Variants in EXTL2 observed in about 807,000 individuals in gnomAD.
The protein encoded by EXTL2 is exostosin-like 2.
A neutral mutation model predicts 30.7 loss-of-function variants in EXTL2; 23 were observed. The ratio of observed to expected loss-of-function variants is 0.75; its 90% CI spans 0.54 to 1.06. The LOEUF (loss-of-function observed/expected upper bound fraction) is 1.06. Among genes scored for constraint, EXTL2 ranks in the 50% least tolerant of loss-of-function variants. The probability of loss-of-function intolerance (pLI) is 0.00; values close to 1 mark genes in which losing one functional copy is unlikely to be tolerated. For missense variants in EXTL2, 352 were observed against 396.3 expected (o/e 0.89, Z 0.95); for synonymous variants, 123 against 133.8 (o/e 0.92, Z 0.56).
At position 100,874,389 on chromosome 1, in the gene EXTL2, G is replaced by A. The variant is rs374572592; in HGVS notation, c.546C>T (p.His182=). ...TGTAGATACCTGATGAAGTAGAGACGTGCTTTCTAGGAACAAATCCTACAA... is the reference window on the plus strand; with the variant it reads ...TGTAGATACCTGATGAAGTAGAGACATGCTTTCTAGGAACAAATCCTACAA... ...DQIVGFVPRK[H]VSTSSGIYSY... Residue 182 remains histidine (H), a synonymous_variant, in exon 5 of 5, where the codon CAC becomes CAT. Transcript: ENST00000370114. 7.0e-5 allele frequency: 112 copies of A among 1,606,500 alleles called. No homozygotes were observed. The highest frequency in any genetic ancestry group is 6.3e-5 in the Non-Finnish European group (74 of 1,176,542).
Position 100,888,764 on chromosome 1 carries a change from G to T in EXTL2, c.-7C>A. 2 of 1,560,172 alleles carry T rather than the reference G, an allele frequency of 1.3e-6. No homozygotes were observed. Among genetic ancestry groups the T allele is most frequent in the African/African-American group, 1.4e-5 (1 of 73,452 alleles). ...ATATTGGTACTTACCTCATTGTGTT[G>T]AAGTTTAATTTTTAAAAAATCTCCT... On this transcript the variant is annotated 5_prime_UTR_variant, in exon 2 of 5. Transcript: ENST00000370114.
chr1:100,891,920 C>T (rs185535480), intron 1 of EXTL2, among the ~76,000 whole-genome samples: 72 of 152,204 alleles, frequency 4.7e-4, no homozygotes, highest in Admixed American at 4.1e-3. Context: ...CAGGAATGGA[C>T]GTTTAGAGGT....
At chr1:100,881,449 T>C (rs939740171) in intron 2 of EXTL2, among the ~76,000 whole-genome samples, 2 of 152,268 alleles carry the variant, frequency 1.3e-5, no homozygotes, top group African/African-American at 2.4e-5. Context: ...TATGTCGTAC[T>C]TGGGAAGAAC....
At position 100,888,765 on chromosome 1, in the gene EXTL2, A is replaced by G; in HGVS notation, c.-8T>C. ...TATTGGTACTTACCTCATTGTGTTG[A>G]AGTTTAATTTTTAAAAAATCTCCTT... On this transcript the variant is annotated 5_prime_UTR_variant, in exon 2 of 5. Coordinates refer to ENST00000370114, the MANE Select transcript of EXTL2 (RefSeq NM_001033025.3). 1 of 1,562,510 alleles carries G rather than the reference A, an allele frequency of 6.4e-7. No homozygotes were observed. Among genetic ancestry groups the G allele is most frequent in the Middle Eastern group, 1.7e-4 (1 of 5,860 alleles).
intron 2 of EXTL2, among the ~76,000 whole-genome samples, chr1:100,883,536 T>C (rs1211248210): frequency 6.6e-6 from 1 of 152,232 alleles, no homozygotes; most frequent in Non-Finnish European, 1.5e-5. Context: ...CATAATGTTT[T>C]TGAGGTTCAT....
At position 100,874,040 on chromosome 1, in the gene EXTL2, T is replaced by G. The variant is rs762020640; in HGVS notation, c.895A>C (p.Lys299Gln). 62 of 1,613,020 alleles carry G rather than the reference T, an allele frequency of 3.8e-5. No homozygotes were observed. The South Asian group carries it at 6.7e-4, about 17-fold the overall frequency. Residue 299 changes from lysine (K) to glutamine (Q), a missense_variant, in exon 5 of 5, where the codon AAG (lysine) becomes CAG (glutamine). By Grantham distance (53) the Lys-to-Gln change is moderately conservative. Coordinates refer to ENST00000370114, the MANE Select transcript of EXTL2 (RefSeq NM_001033025.3). ...ATGCTATCATAGATATTAACAAGCTTATTTATACAATAAGACCTCTGCAGA... is the reference window on the plus strand; with the variant it reads ...ATGCTATCATAGATATTAACAAGCTGATTTATACAATAAGACCTCTGCAGA... ...HALQRSYCIN[K>Q]LVNIYDSMPL...
At chr1:100,886,063 A>G (rs530943595) in intron 2 of EXTL2, among the ~76,000 whole-genome samples, 2 of 152,398 alleles carry the variant, frequency 1.3e-5, no homozygotes, top group South Asian at 4.1e-4. Flanking sequence ...CAGTGATATG[A>G]ATGGATCATT....
intron 2 of EXTL2, chr1:100,880,934 C>T (rs4316382): frequency 0.86 from 814,952 of 952,878 alleles, 349,432 homozygotes; most frequent in East Asian, 1. Context: ...AAATATACAC[C>T]GTTGAAGACA....
intron 2 of EXTL2, among the ~76,000 whole-genome samples, chr1:100,884,379 G>T (rs1055522494): frequency 5.3e-5 from 8 of 152,176 alleles, no homozygotes; most frequent in African/African-American, 1.7e-4. Context: ...CAGCTGCCAA[G>T]AGATAAAATC....
At chr1:100,886,943 T>C (rs1186528900) in intron 2 of EXTL2, among the ~76,000 whole-genome samples, 1 of 152,194 alleles carries the variant, frequency 6.6e-6, no homozygotes, top group Non-Finnish European at 1.5e-5. Flanking sequence ...GAGAGAGGCC[T>C]TATTCCTAAG....
At position 100,873,737 on chromosome 1, in the gene EXTL2, A is replaced by G; in HGVS notation, c.*205T>C. ...TTATATCCCTGGATGAAAACTCTTCATAAGAAGACCTAACTGGATAAGACC... is the reference window on the plus strand; with the variant it reads ...TTATATCCCTGGATGAAAACTCTTCGTAAGAAGACCTAACTGGATAAGACC... On this transcript the variant is annotated 3_prime_UTR_variant, in exon 5 of 5. Coordinates refer to ENST00000370114, the MANE Select transcript of EXTL2 (RefSeq NM_001033025.3). 2.1e-6 allele frequency: 1 copy of G among 486,368 alleles called. No individual in the cohort carries two copies. Among genetic ancestry groups the G allele is most frequent in the Non-Finnish European group, 3.6e-6 (1 of 279,300 alleles). 30.1% of individuals were successfully genotyped at this position (486,368 alleles called of 1,614,324 possible). A position where few individuals can be genotyped will look rare whatever the true frequency, so the allele number is the denominator to read the frequency against.
At chr1:100,881,065 G>C in intron 2 of EXTL2, 1 of 981,086 alleles carries the variant, frequency 1.0e-6, no homozygotes. Context: ...TATCAGAAAG[G>C]TTTCAGGAGA....
intron 2 of EXTL2, among the ~76,000 whole-genome samples, chr1:100,883,747 C>T (rs1649746799): frequency 6.6e-6 from 1 of 152,054 alleles, no homozygotes; most frequent in Non-Finnish European, 1.5e-5. Flanking sequence ...GGTTTCAGTC[C>T]TCTTAGGTGC....
rs1003434739 is a variant in EXTL2, at chr1:100,873,501, T to C, written c.*441A>G. On this transcript the variant is annotated 3_prime_UTR_variant, in exon 5 of 5. Coordinates refer to ENST00000370114, the MANE Select transcript of EXTL2 (RefSeq NM_001033025.3). ...TGACTGAGACTATTCTCTTCTTACA[T>C]GGCTTTACCCCATACCACAGGCTTT... 8 of 154,850 alleles carry C rather than the reference T, an allele frequency of 5.2e-5. No homozygotes were observed. The highest frequency in any genetic ancestry group is 2.0e-4 in the South Asian group (1 of 5,016). 9.6% of individuals were successfully genotyped at this position (154,850 alleles called of 1,614,324 possible).
At chr1:100,881,185 G>A (rs1029234248) in intron 2 of EXTL2, 7 of 311,650 alleles carry the variant, frequency 2.2e-5, no homozygotes, top group African/African-American at 6.8e-5. Flanking sequence ...AGTAAAGTAC[G>A]AAAAGCAAGG....
chr1:100,883,497 G>A (rs1649725910), intron 2 of EXTL2, among the ~76,000 whole-genome samples: 1 of 152,040 alleles, frequency 6.6e-6, no homozygotes, highest in Non-Finnish European at 1.5e-5. Context: ...TACAATATAT[G>A]ACCATTGTAT....
At position 100,881,229 on chromosome 1, in the gene EXTL2, A is replaced by G. The variant is rs1570461778; in HGVS notation, c.6-3326T>C. Among the ~76,000 whole-genome samples, 3 of 152,370 alleles carry G rather than the reference A, an allele frequency of 2.0e-5. 1 individual carries two copies. The highest frequency in any genetic ancestry group is 2.0e-4 in the Admixed American group (3 of 15,302). On this transcript the variant is annotated intron_variant, in intron 2 of 4. Coordinates refer to ENST00000370114, the MANE Select transcript of EXTL2 (RefSeq NM_001033025.3). ...GACTGTAGTGCAAGTGGCACACTGT[A>G]CTTTGACAATAGCTGAGGTCTAGAA... is the stretch of plus-strand genomic sequence containing the variant.
At chr1:100,875,086 A>C (rs1381569953) in intron 4 of EXTL2, among the ~76,000 whole-genome samples, 1 of 152,068 alleles carries the variant, frequency 6.6e-6, no homozygotes, top group Non-Finnish European at 1.5e-5. Flanking sequence ...GTAGATGAGC[A>C]TGACTAAAAA....
chr1:100,888,947 A>C, intron 1 of EXTL2, 119 bp from the exon 2 acceptor site: 1 of 433,860 alleles, frequency 2.3e-6, no homozygotes, highest in South Asian at 5.8e-5. Flanking sequence ...GTTACTTTAG[A>C]AATTAAAATT....
Sources: gnomAD v4.1 joint callset for allele counts (sites outside exome capture counted in the v4.1 genomes callset) on GRCh38, gnomAD v4.1.1 for gene constraint, MANE v1.5 for transcripts, NCBI Gene and HGNC (gene_info 2026-07-23, HGNC 2026-07-21) for gene names.